Variants in KCNH7 observed in about 807,000 individuals in gnomAD.
KCNH7 encodes voltage-gated inwardly rectifying potassium channel KCNH7.
Under a neutral mutation model 120.8 loss-of-function variants are expected in KCNH7, and 49 were observed. The observed-to-expected ratio is 0.41, with a 90% CI of 0.32 to 0.51. KCNH7 has a LOEUF of 0.51. Among genes scored for constraint, KCNH7 ranks in the 20% least tolerant of loss-of-function variants. The pLI, the probability that KCNH7 is intolerant of heterozygous loss-of-function variation, is 0.38. For missense variants in KCNH7, 1,097 were observed against 1,446.6 expected (o/e 0.76, Z 3.92); for synonymous variants, 547 against 516.1 (o/e 1.06, Z -0.81).
chr2:162,640,768 G>T (rs567440494), intron 2 of KCNH7, among the ~76,000 whole-genome samples: 1 of 151,942 alleles, frequency 6.6e-6, no homozygotes, highest in Admixed American at 6.6e-5. Context: ...GAAAATATTC[G>T]CAATGACATA....
At chr2:162,713,294 G>A (rs1686992646) in intron 2 of KCNH7, among the ~76,000 whole-genome samples, 1 of 152,330 alleles carries the variant, frequency 6.6e-6, no homozygotes, top group Middle Eastern at 3.4e-3. Flanking sequence ...CAAATTCTGA[G>A]ACAAAGAAGT....
intron 2 of KCNH7, among the ~76,000 whole-genome samples, chr2:162,808,578 A>G (rs982905009): frequency 2.6e-5 from 4 of 152,226 alleles, no homozygotes; most frequent in African/African-American, 9.6e-5. Flanking sequence ...ACATGTTAAG[A>G]CTAGGTAAAG....
chr2:162,398,518 C>T (rs1215554714), intron 10 of KCNH7, among the ~76,000 whole-genome samples: 1 of 151,740 alleles, frequency 6.6e-6, no homozygotes. Context: ...AGGGTAATTT[C>T]CTGACATTCT....
At chr2:162,670,817 T>C (rs1348332509) in intron 2 of KCNH7, among the ~76,000 whole-genome samples, 2 of 147,704 alleles carry the variant, frequency 1.4e-5, no homozygotes, top group East Asian at 4.1e-4. Context: ...TAAAATAAGG[T>C]GAAAGAAATA....
chr2:162,503,031 T>C (rs1188176311), intron 6 of KCNH7, among the ~76,000 whole-genome samples: 3 of 152,120 alleles, frequency 2.0e-5, no homozygotes, highest in Non-Finnish European at 4.4e-5. Flanking sequence ...CATTCATTAA[T>C]TGGTCAAGCA....
rs181021529 is a variant in KCNH7 at position 162,696,006 on chromosome 2, A to G, written c.307+140531T>C. ...AAACTCAGAAAGACCACTTTCAAATAAAGAAATATTGTTTGCATAAGCTTT... is the reference window on the plus strand; with the variant it reads ...AAACTCAGAAAGACCACTTTCAAATGAAGAAATATTGTTTGCATAAGCTTT... On this transcript the variant is annotated intron_variant, in intron 2 of 15. Transcript: ENST00000332142. Among the ~76,000 whole-genome samples, 13 of 152,324 alleles carry G rather than the reference A, an allele frequency of 8.5e-5. No individual in the cohort carries two copies. The East Asian group carries it at 2.3e-3, about 27-fold the overall frequency.
intron 5 of KCNH7, among the ~76,000 whole-genome samples, chr2:162,506,950 C>T (rs925224836): frequency 6.6e-6 from 1 of 151,844 alleles, no homozygotes; most frequent in Non-Finnish European, 1.5e-5. Context: ...GCCTCGAGGC[C>T]ATTCATGCAG....
At chr2:162,428,991 T>G (rs1262251956) in intron 8 of KCNH7, among the ~76,000 whole-genome samples, 1 of 151,920 alleles carries the variant, frequency 6.6e-6, no homozygotes, top group Non-Finnish European at 1.5e-5. Context: ...TTATATTTAA[T>G]GCAATTATTG....
chr2:162,542,230 TTC>T (rs1473634991), intron 2 of KCNH7, among the ~76,000 whole-genome samples: 1 of 151,752 alleles, frequency 6.6e-6, no homozygotes, highest in Non-Finnish European at 1.5e-5. Flanking sequence ...TTCTTTTTTT[TTC>T]TTTGATGAGC....
intron 3 of KCNH7, among the ~76,000 whole-genome samples, chr2:162,520,035 T>C (rs1463007568): frequency 6.6e-6 from 1 of 151,510 alleles, no homozygotes; most frequent in African/African-American, 2.4e-5. Context: ...AGCCCAGACC[T>C]CTCCTCTGTG....
intron 2 of KCNH7, among the ~76,000 whole-genome samples, chr2:162,644,090 GC>G (rs1250730250): frequency 1.3e-5 from 2 of 148,462 alleles, no homozygotes; most frequent in Non-Finnish European, 3.0e-5. Flanking sequence ...TCCTACCCCC[GC>G]CCCCCACATC....
At chr2:162,745,989 A>G (rs962350434) in intron 2 of KCNH7, among the ~76,000 whole-genome samples, 1 of 152,072 alleles carries the variant, frequency 6.6e-6, no homozygotes, top group Admixed American at 6.5e-5. Flanking sequence ...AACTTTATAA[A>G]GACTATTATT....
chr2:162,522,596 T>G (rs1691570004), intron 3 of KCNH7, among the ~76,000 whole-genome samples: 1 of 151,882 alleles, frequency 6.6e-6, no homozygotes, highest in Admixed American at 6.6e-5. Flanking sequence ...AAATCATCCT[T>G]GTAAGTTAAG....
At chr2:162,473,011 AATT>A (rs1689610013) in intron 6 of KCNH7, among the ~76,000 whole-genome samples, 1 of 152,106 alleles carries the variant, frequency 6.6e-6, no homozygotes, top group Non-Finnish European at 1.5e-5. Context: ...CATAGGTGGG[AATT>A]GAACAATGAG....
intron 2 of KCNH7, among the ~76,000 whole-genome samples, chr2:162,664,384 C>T (rs1685066210): frequency 6.6e-6 from 1 of 152,146 alleles, no homozygotes; most frequent in African/African-American, 2.4e-5. Flanking sequence ...TATTGGATAA[C>T]TGTCATACAG....
chr2:162,477,800 C>G (rs750185692), intron 6 of KCNH7, among the ~76,000 whole-genome samples: 2 of 149,596 alleles, frequency 1.3e-5, no homozygotes, highest in East Asian at 3.9e-4. Context: ...TTCTATATAG[C>G]CTTCTGCCCA....
chr2:162,438,250 T>C (rs1341643471), intron 7 of KCNH7, among the ~76,000 whole-genome samples: 2 of 152,096 alleles, frequency 1.3e-5, no homozygotes, highest in Non-Finnish European at 2.9e-5. Flanking sequence ...AGAGTAAAAA[T>C]GATGTTATGA....
At chr2:162,571,822 C>A (rs1693487650) in intron 2 of KCNH7, among the ~76,000 whole-genome samples, 1 of 150,922 alleles carries the variant, frequency 6.6e-6, no homozygotes, top group African/African-American at 2.4e-5. Context: ...ATACATGGTG[C>A]TGGGAAAACT....
chr2:162,698,088 T>C (rs1686356209), intron 2 of KCNH7, among the ~76,000 whole-genome samples: 2 of 152,180 alleles, frequency 1.3e-5, no homozygotes, highest in African/African-American at 4.8e-5. Flanking sequence ...TTTCATAGAC[T>C]CTAGTTCATC....
Sources: gnomAD v4.1 joint callset for allele counts (sites outside exome capture counted in the v4.1 genomes callset) on GRCh38, gnomAD v4.1.1 for gene constraint, MANE v1.5 for transcripts, NCBI Gene and HGNC (gene_info 2026-07-23, HGNC 2026-07-21) for gene names.